Variants in SEMA3D observed in about 807,000 individuals in gnomAD.
SEMA3D encodes semaphorin-3D.
In SEMA3D, 84 loss-of-function variants were observed where a neutral mutation model predicts 100.1. The observed-to-expected ratio is 0.84, with a 90% confidence interval of 0.70 to 1.01. The LOEUF (loss-of-function observed/expected upper bound fraction) is 1.01. SEMA3D is among the 50% of genes least tolerant of loss of function. SEMA3D has a pLI of 0.00. For missense variants in SEMA3D, 875 were observed against 934.1 expected (o/e 0.94, Z 0.82); for synonymous variants, 312 against 320.7 (o/e 0.97, Z 0.29).
chr7:85,231,735 C>A, the SEMA3D span, among the ~76,000 whole-genome samples: 3 of 152,114 alleles, frequency 2.0e-5, no homozygotes, highest in Non-Finnish European at 4.4e-5. Context: ...TAGGCGTGAG[C>A]CACTGCGCCA....
chr7:85,039,717 G>A (rs1206131472), intron 11 of SEMA3D, among the ~76,000 whole-genome samples: 1 of 152,154 alleles, frequency 6.6e-6, no homozygotes, highest in Non-Finnish European at 1.5e-5. Flanking sequence ...CTTTGAGCAA[G>A]TGATGAAAAC....
chr7:85,018,234 A>G lies in SEMA3D; in HGVS notation c.1545+18T>C. 1 of 1,540,060 alleles carries G rather than the reference A, an allele frequency of 6.5e-7. No homozygotes were observed. Among genetic ancestry groups the G allele is most frequent in the Non-Finnish European group, 9.0e-7 (1 of 1,114,626 alleles). On this transcript the variant is annotated intron_variant, in intron 15 of 18. Coordinates refer to ENST00000284136, the MANE Select transcript of SEMA3D (RefSeq NM_001384900.1). ...CATTGCTTTTGTGATTAACTTTCAT[A>G]CAAAAGTTAAAAAGTACCTGCTTCA...
At chr7:85,181,235 C>T (rs1381752360) in intron 1 of SEMA3D, among the ~76,000 whole-genome samples, 3 of 151,920 alleles carry the variant, frequency 2.0e-5, no homozygotes, top group East Asian at 3.9e-4. Context: ...GAACCAGACA[C>T]CTTTGGAGAA....
intron 8 of SEMA3D, among the ~76,000 whole-genome samples, chr7:85,057,550 C>G (rs1289843422): frequency 6.6e-6 from 1 of 152,086 alleles, no homozygotes; most frequent in Non-Finnish European, 1.5e-5. Context: ...GCTGTGCGCC[C>G]CAGGTGTTAT....
chr7:85,116,866 T>C (rs780884209), intron 3 of SEMA3D, among the ~76,000 whole-genome samples: 64 of 152,164 alleles, frequency 4.2e-4, no homozygotes, highest in Non-Finnish European at 7.6e-4. Context: ...CTTTCCACAC[T>C]GATTTGCATA....
intron 1 of SEMA3D, among the ~76,000 whole-genome samples, chr7:85,170,700 TCTC>T (rs1791061617): frequency 6.6e-6 from 1 of 151,978 alleles, no homozygotes; most frequent in African/African-American, 2.4e-5. Context: ...GGTTAATTAA[TCTC>T]CTTGAAAATT....
chr7:85,241,069 T>G, the SEMA3D span, among the ~76,000 whole-genome samples: 1 of 152,010 alleles, frequency 6.6e-6, no homozygotes. Context: ...GAAAAAATGC[T>G]CAACATCACT....
the SEMA3D span, among the ~76,000 whole-genome samples, chr7:85,197,756 AC>A: frequency 6.6e-6 from 1 of 152,302 alleles, no homozygotes; most frequent in African/African-American, 2.4e-5. Flanking sequence ...ATAACCTATA[AC>A]CCTGCAATTC....
At position 84,996,558 on chromosome 7, in the gene SEMA3D, C is replaced by A. The variant is rs762306869; in HGVS notation, c.*2882G>T. The A allele has an allele frequency of 6.6e-6, 1 of 152,256 alleles. No individual in the cohort carries two copies. The highest frequency in any genetic ancestry group is 1.5e-5 in the Non-Finnish European group (1 of 67,918). The allele number at this position is 152,256 out of a possible 1,614,324, so 9.4% of individuals were successfully genotyped here. ...GAGCTCTTTGGAAAAAAGGACTCTA[C>A]ATAAATTAATTAGACAATTCATTTC... On this transcript the variant is annotated 3_prime_UTR_variant, in exon 19 of 19. Coordinates refer to ENST00000284136, the MANE Select transcript of SEMA3D (RefSeq NM_001384900.1).
intron 2 of SEMA3D, among the ~76,000 whole-genome samples, chr7:85,125,341 C>A (rs1349528261): frequency 6.6e-6 from 1 of 151,982 alleles, no homozygotes; most frequent in African/African-American, 2.4e-5. Context: ...ATTGAGATAC[C>A]TACTCCTCCA....
At chr7:85,202,364 C>T in the SEMA3D span, among the ~76,000 whole-genome samples, 1 of 151,748 alleles carries the variant, frequency 6.6e-6, no homozygotes, top group African/African-American at 2.4e-5. Flanking sequence ...CAATTTCATC[C>T]ATGTCCCTAC....
chr7:85,026,577 A>T (rs377633159), intron 12 of SEMA3D, among the ~76,000 whole-genome samples: 1 of 152,102 alleles, frequency 6.6e-6, no homozygotes, highest in Non-Finnish European at 1.5e-5. Context: ...TGGTAAGACT[A>T]TCATAGTCTA....
At chr7:85,170,987 G>A (rs185682285) in intron 1 of SEMA3D, among the ~76,000 whole-genome samples, 1 of 151,918 alleles carries the variant, frequency 6.6e-6, no homozygotes, top group Non-Finnish European at 1.5e-5. Context: ...ATGCAAAATT[G>A]TCATTTATCT....
chr7:85,140,198 A>T, intron 2 of SEMA3D: 2 of 555,910 alleles, frequency 3.6e-6, no homozygotes, highest in Non-Finnish European at 4.6e-6. Flanking sequence ...AATGTTTTTT[A>T]ACATCAATAA....
At chr7:85,229,934 A>T in the SEMA3D span, among the ~76,000 whole-genome samples, 1 of 152,076 alleles carries the variant, frequency 6.6e-6, no homozygotes, top group African/African-American at 2.4e-5. Flanking sequence ...AAAGAAAAAA[A>T]CTCTTCTTAA....
chr7:85,233,889 G>A, the SEMA3D span, among the ~76,000 whole-genome samples: 34 of 152,300 alleles, frequency 2.2e-4, no homozygotes, highest in East Asian at 6.6e-3. Context: ...GCAACTCATA[G>A]CAACATAAGA....
At chr7:85,102,249 T>G (rs1158666833) in intron 3 of SEMA3D, among the ~76,000 whole-genome samples, 1 of 151,956 alleles carries the variant, frequency 6.6e-6, no homozygotes, top group African/African-American at 2.4e-5. Flanking sequence ...AAAAATTTGT[T>G]CCAGGCAGAA....
the SEMA3D span, among the ~76,000 whole-genome samples, chr7:85,234,760 T>G: frequency 6.6e-6 from 1 of 152,208 alleles, no homozygotes; most frequent in African/African-American, 2.4e-5. Flanking sequence ...CTTGACAGTT[T>G]GCAAGAAATA....
chr7:85,042,259 C>G lies in SEMA3D; in HGVS notation c.888G>C (p.Leu296=). The change falls in exon 10 of 19, where the codon CTG becomes CTC. Residue 296 remains leucine (L), a synonymous_variant. Transcript: ENST00000284136. The part of the protein sequence containing the change: ...CKNDVGGQRS[L]INKWTTFLKA... ...TAAGAAAAGTCGTCCACTTGTTTAT[C>G]AGGCTGCGTTGTCCTCCTACATCAT... 6.2e-7 allele frequency: 1 copy of G among 1,612,738 alleles called. No homozygotes were observed. Among genetic ancestry groups the G allele is most frequent in the Non-Finnish European group, 8.5e-7 (1 of 1,178,942 alleles).
Sources: gnomAD v4.1 joint callset for allele counts (sites outside exome capture counted in the v4.1 genomes callset) on GRCh38, gnomAD v4.1.1 for gene constraint, MANE v1.5 for transcripts, NCBI Gene and HGNC (gene_info 2026-07-23, HGNC 2026-07-21) for gene names.